ST3GAL2: variants seen among roughly 807,000 people sequenced by gnomAD.
The protein encoded by ST3GAL2 is ST3 beta-galactoside alpha-2,3-sialyltransferase 2, also known as CMP-N-acetylneuraminate-beta-galactosamide-alpha-2,3-sialyltransferase 2.
ST3GAL2 carries 16 observed loss-of-function variants against 37.5 expected under a neutral mutation model. The ratio of observed to expected loss-of-function variants is 0.43; its 90% CI spans 0.29 to 0.65. The LOEUF (loss-of-function observed/expected upper bound fraction) is 0.65. Among genes scored for constraint, ST3GAL2 ranks in the 30% least tolerant of loss-of-function variants. The pLI is 0.17. For missense variants in ST3GAL2, 383 were observed against 487.8 expected (o/e 0.79, Z 2.02); for synonymous variants, 238 against 202.9 (o/e 1.17, Z -1.47).
At chr16:70,420,020 T>G (rs148714383) in intron 1 of ST3GAL2, among the ~76,000 whole-genome samples, 4 of 116,532 alleles carry the variant, frequency 3.4e-5, no homozygotes, top group East Asian at 2.6e-4. Context: ...GACCCCCCCC[T>G]TCCCTTTTTT....
At chr16:70,408,213 G>A (rs750480854) in intron 1 of ST3GAL2, among the ~76,000 whole-genome samples, 6 of 152,130 alleles carry the variant, frequency 3.9e-5, no homozygotes, top group Non-Finnish European at 7.3e-5. Flanking sequence ...CGCCATGCCA[G>A]GTCTGATGAC....
intron 1 of ST3GAL2, among the ~76,000 whole-genome samples, chr16:70,411,988 C>T (rs1402412173): frequency 1.3e-5 from 2 of 150,658 alleles, no homozygotes; most frequent in Non-Finnish European, 2.9e-5. Context: ...GAGCGAAACT[C>T]CGTCTCAAAA....
Position 70,398,250 on chromosome 16 carries a change from G to T in ST3GAL2, c.281C>A (p.Ser94Tyr). Residue 94 changes from serine to tyrosine, a missense_variant, in exon 2 of 7, where the codon TCC (serine) becomes TAC (tyrosine). Ser to Tyr is a moderately radical substitution (Grantham distance 144, BLOSUM62 -2). Around this residue, in one of 2 missense-constraint regions of ST3GAL2, gnomAD observed 223 missense variants for 239.1 expected, o/e 0.93. Transcript: ENST00000342907. Reference sequence around the variant, plus strand: ...CATGTTCTCTCGGGTCCAGACGGGGGAAATGTTACCGTCAAAGTGGCTGTC... The same window carrying T: ...CATGTTCTCTCGGGTCCAGACGGGGTAAATGTTACCGTCAAAGTGGCTGTC... Reference protein sequence around the residue: ...WFDSHFDGNISPVWTRENMDL... With the variant: ...WFDSHFDGNIYPVWTRENMDL... The T allele has an allele frequency of 2.5e-6, 4 of 1,613,440 alleles. No individual in the cohort carries two copies. Among genetic ancestry groups the T allele is most frequent in the Non-Finnish European group, 3.4e-6 (4 of 1,180,036 alleles).
chr16:70,395,034 G>A lies in ST3GAL2; in HGVS notation c.481C>T (p.Leu161=). 1 of 1,613,940 alleles carries A rather than the reference G, an allele frequency of 6.2e-7. No homozygotes were observed. The highest frequency in any genetic ancestry group is 1.7e-5 in the Admixed American group (1 of 59,992). Residue 161 remains leucine, a synonymous_variant, in exon 3 of 7, where the codon CTG becomes TTG. Transcript: ENST00000342907. The part of the protein sequence containing the change: ...RCAVVGNSGN[L]RGSGYGQDVD... ...TCCTGCCCATAGCCAGAGCCCCGCA[G>A]GTTGCCCGAGTTCCCCACCACGGCA...
chr16:70,412,180 C>T (rs2047642885), intron 1 of ST3GAL2, among the ~76,000 whole-genome samples: 2 of 152,078 alleles, frequency 1.3e-5, no homozygotes. Flanking sequence ...TCCAAAAATA[C>T]CTTTATTTTA....
At chr16:70,399,869 C>A (rs1015287682) in intron 1 of ST3GAL2, 1 of 155,368 alleles carries the variant, frequency 6.4e-6, no homozygotes, top group African/African-American at 2.4e-5. Context: ...AGAAAACAGC[C>A]CAGAGAAGAT....
chr16:70,416,643 T>C (rs1421874579), intron 1 of ST3GAL2, among the ~76,000 whole-genome samples: 1 of 152,190 alleles, frequency 6.6e-6, no homozygotes, highest in African/African-American at 2.4e-5. Context: ...ATGAATTATA[T>C]AAGTATGCAT....
chr16:70,438,886 G>A (rs2047846919), intron 1 of ST3GAL2, 63 bp downstream of exon 1: 2 of 152,202 alleles, frequency 1.3e-5, no homozygotes, highest in Admixed American at 1.3e-4. Context: ...GCGCAGGGGA[G>A]GTCTGGGCAG....
At chr16:70,429,917 G>A (rs2047777862) in intron 1 of ST3GAL2, among the ~76,000 whole-genome samples, 1 of 152,112 alleles carries the variant, frequency 6.6e-6, no homozygotes, top group Non-Finnish European at 1.5e-5. Flanking sequence ...TTAGAGAGGG[G>A]TAATGACTTG....
chr16:70,429,173 A>G (rs2047771265), intron 1 of ST3GAL2, among the ~76,000 whole-genome samples: 1 of 152,206 alleles, frequency 6.6e-6, no homozygotes, highest in Non-Finnish European at 1.5e-5. Flanking sequence ...CAAACAGGTT[A>G]GGAGAAAGTT....
intron 1 of ST3GAL2, among the ~76,000 whole-genome samples, chr16:70,403,549 C>G (rs2047569758): frequency 6.6e-6 from 1 of 152,178 alleles, no homozygotes; most frequent in Non-Finnish European, 1.5e-5. Context: ...CATGAAGGCT[C>G]ATGCCTGTAA....
At chr16:70,438,266 A>T (rs998582290) in intron 1 of ST3GAL2, among the ~76,000 whole-genome samples, 2 of 152,180 alleles carry the variant, frequency 1.3e-5, no homozygotes, top group African/African-American at 2.4e-5. Context: ...AGTTTGGTCC[A>T]GTCACAGGGG....
chr16:70,379,158 G>C lies in ST3GAL2; in HGVS notation c.*2531C>G, dbSNP rs1226249788. ...CCTGTGGCCACCCAAATGTATCGGA[G>C]CCTGATGGATACCTGGAGACATCAT... On this transcript the variant is annotated 3_prime_UTR_variant, in exon 7 of 7. Transcript: ENST00000342907. 1 of 152,218 alleles carries C rather than the reference G, an allele frequency of 6.6e-6. No individual in the cohort carries two copies. Among genetic ancestry groups the C allele is most frequent in the African/African-American group, 2.4e-5 (1 of 41,446 alleles). The allele number at this position is 152,218 out of a possible 1,614,324, so 9.4% of individuals were successfully genotyped here. A position where few individuals can be genotyped will look rare whatever the true frequency, so the allele number is the denominator to read the frequency against.
chr16:70,383,836 T>C (rs1241107863), intron 4 of ST3GAL2, among the ~76,000 whole-genome samples: 3 of 151,292 alleles, frequency 2.0e-5, no homozygotes, highest in Non-Finnish European at 4.4e-5. Flanking sequence ...ACGGTCCCCA[T>C]GGCATCCAAG....
At position 70,379,292 on chromosome 16, in the gene ST3GAL2, C is replaced by G. The variant is rs569117364; in HGVS notation, c.*2397G>C. On this transcript the variant is annotated 3_prime_UTR_variant, in exon 7 of 7. Transcript: ENST00000342907. ...AGGAAACTCAAGAGGCGACAACGAGCTGATTTTTAACCAAAATGCTTGTAC... is the reference window on the plus strand; with the variant it reads ...AGGAAACTCAAGAGGCGACAACGAGGTGATTTTTAACCAAAATGCTTGTAC... The G allele has an allele frequency of 9.6e-4, 146 of 152,336 alleles. 1 individual carries two copies. Among genetic ancestry groups the G allele is most frequent in the African/African-American group, 3.3e-3 (139 of 41,574 alleles). The allele number at this position is 152,336 out of a possible 1,614,324, so 9.4% of individuals were successfully genotyped here.
At chr16:70,422,628 A>G (rs2047723014) in intron 1 of ST3GAL2, among the ~76,000 whole-genome samples, 1 of 152,024 alleles carries the variant, frequency 6.6e-6, no homozygotes, top group South Asian at 2.1e-4. Flanking sequence ...ATTGCCCCAA[A>G]GCTCCCAGGC....
intron 1 of ST3GAL2, among the ~76,000 whole-genome samples, chr16:70,417,955 T>C (rs913902771): frequency 2.5e-4 from 38 of 152,152 alleles, no homozygotes; most frequent in African/African-American, 9.2e-4. Flanking sequence ...CTTTTAAAGA[T>C]AGGATTCAGA....
rs918336065 is a variant in ST3GAL2, at chr16:70,436,586, C to T, written c.-1004+2363G>A. 8.6e-5 allele frequency among the ~76,000 whole-genome samples: 13 copies of T among 152,022 alleles called. No homozygotes were observed. The South Asian group carries it at 1.9e-3, about 22-fold the overall frequency. On this transcript the variant is annotated intron_variant, in intron 1 of 6. Transcript: ENST00000342907. ...GGAGAGAGATGCAAAATATAGGCTC[C>T]ACCAAGATTAAACCATAAAACTCTG...
At chr16:70,395,710 C>T (rs1311544214) in intron 2 of ST3GAL2, among the ~76,000 whole-genome samples, 1 of 152,180 alleles carries the variant, frequency 6.6e-6, no homozygotes, top group Non-Finnish European at 1.5e-5. Flanking sequence ...CTCCTACCAG[C>T]GAGACCTGTA....
Sources: allele counts gnomAD v4.1 joint callset (sites outside exome capture counted in the v4.1 genomes callset), GRCh38; gene constraint gnomAD v4.1.1; regional missense constraint gnomAD v4.1.1; transcripts MANE v1.5; gene names NCBI Gene and HGNC (gene_info 2026-07-23, HGNC 2026-07-21).